JMJD1C: variants seen among roughly 807,000 people sequenced by gnomAD.
JMJD1C encodes the protein jumonji domain-containing protein 1C.
JMJD1C carries 31 observed loss-of-function variants against 245.3 expected under a neutral mutation model. The observed-to-expected ratio is 0.13, with a 90% CI of 0.09 to 0.17. The LOEUF is 0.17. Among genes scored for constraint, JMJD1C ranks in the 10% least tolerant of loss-of-function variants. JMJD1C has a pLI of 1.00. For synonymous variants in JMJD1C, 1,057 were observed against 1,017.4 expected, an observed-to-expected ratio of 1.04 and a Z score of -0.74; for missense variants, 2,691 against 3,000.2, an observed-to-expected ratio of 0.90 and a Z score of 2.41.
At chr10:63,336,981 C>T (rs1219922549) in intron 2 of JMJD1C, among the ~76,000 whole-genome samples, 1 of 152,000 alleles carries the variant, frequency 6.6e-6, no homozygotes, top group African/African-American at 2.4e-5. Context: ...GCTGAGATTA[C>T]AGGTGCCCGC....
At chr10:63,317,528 A>C (rs1014662183) in intron 2 of JMJD1C, among the ~76,000 whole-genome samples, 1 of 151,854 alleles carries the variant, frequency 6.6e-6, no homozygotes, top group African/African-American at 2.4e-5. Context: ...TCATCCTCCT[A>C]AGCCTACTAC....
chr10:63,500,754 TG>T lies in JMJD1C; in HGVS notation n.113+20983del, dbSNP rs1182534177. 9.2e-3 allele frequency among the ~76,000 whole-genome samples: 1,372 copies of T among 149,294 alleles called. 17 individuals are homozygous for T. Among genetic ancestry groups the T allele is most frequent in the African/African-American group, 0.031 (1,275 of 40,578 alleles). Reference sequence around the variant, plus strand: ...ATGGATGGATGGATGGAAGGATGGATGGATGGATGGATGGATGGATGGATGG... The same window carrying T: ...ATGGATGGATGGATGGAAGGATGGATGATGGATGGATGGATGGATGGATGG... On this transcript the variant is annotated intron_variant and non_coding_transcript_variant, in intron 1 of 3. Coordinates refer to the JMJD1C transcript ENST00000633035.
Position 63,465,818 on chromosome 10 carries a change from G to C in JMJD1C, c.-156C>G, listed in dbSNP as rs1953223356. ...GGGACGAACCGGCCGCTCTGCCCCGGACACAGCGACCTCGGGCCCTCCCCG... is the reference window on the plus strand; with the variant it reads ...GGGACGAACCGGCCGCTCTGCCCCGCACACAGCGACCTCGGGCCCTCCCCG... On this transcript the variant is annotated 5_prime_UTR_variant, in exon 1 of 26. Transcript: ENST00000399262. The C allele has an allele frequency of 1.2e-6, 1 of 840,656 alleles. No homozygotes were observed. Among genetic ancestry groups the C allele is most frequent in the Non-Finnish European group, 2.0e-6 (1 of 511,564 alleles). The allele number at this position is 840,656 out of a possible 1,614,324, so 52.1% of individuals were successfully genotyped here. A position where few individuals can be genotyped will look rare whatever the true frequency, so the allele number is the denominator to read the frequency against.
rs764614175 is a variant in JMJD1C, at chr10:63,465,498, C to A, written c.165G>T (p.Leu55=). The change falls in exon 1 of 26, where the codon CTG becomes CTT. Residue 55 remains leucine, a synonymous_variant. Transcript: ENST00000399262. Reference sequence around the variant, plus strand: ...AGGGGGGCGCTGACTCTCTTACCGCCAGGTCCGGATTGCGGCTGTCCCTGT... The same window carrying A: ...AGGGGGGCGCTGACTCTCTTACCGCAAGGTCCGGATTGCGGCTGTCCCTGT... ...VSHRDSRNPD[L]AVYVEFDDLE... is the part of the protein sequence containing the mutation. 1.9e-6 allele frequency: 3 copies of A among 1,602,052 alleles called. No homozygotes were observed. The highest frequency in any genetic ancestry group is 1.7e-6 in the Non-Finnish European group (2 of 1,176,738).
chr10:63,207,833 T>C lies in JMJD1C; in HGVS notation c.3836A>G (p.Asn1279Ser), dbSNP rs780696924. ...EQSLTEMWRP[N>S]NNLSKEKTEW... ...AGTTTTCTCTTTGCTGAGGTTATTA[T>C]TAGGTCTCCACATCTCCGTCAAACT... The change falls in exon 10 of 26, where the codon AAT becomes AGT. Residue 1279 changes from asparagine (N) to serine (S), a missense_variant. Coordinates refer to ENST00000399262, the MANE Select transcript of JMJD1C (RefSeq NM_032776.3). 1 of 1,614,068 alleles carries C rather than the reference T, an allele frequency of 6.2e-7. No individual in the cohort carries two copies. The highest frequency in any genetic ancestry group is 2.2e-5 in the East Asian group (1 of 44,898).
Position 63,192,994 on chromosome 10 carries a change from G to A in JMJD1C, c.6020C>T (p.Ser2007Leu). 6.2e-7 allele frequency: 1 copy of A among 1,614,024 alleles called. No individual in the cohort carries two copies. The highest frequency in any genetic ancestry group is 1.1e-5 in the South Asian group (1 of 91,082). Residue 2007 changes from serine (S) to leucine (L), a missense_variant, in exon 16 of 26, where the codon TCA becomes TTA. This residue lies in a region of JMJD1C where 275 missense variants were observed against 285.5 expected (regional missense o/e 0.96). Transcript: ENST00000399262. ...DNKLTPPESQ[S>L]PLHWLADLAE... ...AAGATCTGCTAACCAGTGCAGTGGTGACTGGGATTCTGGAGGAGTTAACTT... is the reference window on the plus strand; with the variant it reads ...AAGATCTGCTAACCAGTGCAGTGGTAACTGGGATTCTGGAGGAGTTAACTT...
intron 2 of JMJD1C, among the ~76,000 whole-genome samples, chr10:63,316,560 G>A (rs566047696): frequency 1.2e-3 from 181 of 152,230 alleles, no homozygotes; most frequent in African/African-American, 4.1e-3. Flanking sequence ...CGATTCTCCT[G>A]CCTCAGCCTC....
intron 2 of JMJD1C, among the ~76,000 whole-genome samples, chr10:63,293,408 G>C (rs539862863): frequency 1.9e-4 from 29 of 152,244 alleles, no homozygotes; most frequent in Non-Finnish European, 3.8e-4. Context: ...ATATTCTGAT[G>C]ATCAGACCTC....
intron 1 of JMJD1C, among the ~76,000 whole-genome samples, chr10:63,490,427 T>TTTTTTTTTTTTTTTA (rs1954134689): frequency 6.6e-6 from 1 of 151,274 alleles, no homozygotes; most frequent in African/African-American, 2.4e-5. Context: ...ATTTTATTTT[T>TTTTTTTTTTTTTTTA]TTTTTTTGAG....
At chr10:63,189,557 G>T in intron 17 of JMJD1C, 111 bp from the exon 18 acceptor site, 1 of 847,294 alleles carries the variant, frequency 1.2e-6, no homozygotes, top group Non-Finnish European at 1.8e-6. Flanking sequence ...TCCACAATAT[G>T]CACTTCTCTT....
chr10:63,200,694 A>T lies in JMJD1C; in HGVS notation c.5075-17T>A, dbSNP rs766997659. ...GAATGCCAGCTGTAAAATCAGTAGG[A>T]AAGTTTTAGCAAGATTATGCTTTGT... On this transcript the variant is annotated splice_polypyrimidine_tract_variant and intron_variant, in intron 10 of 25. Transcript: ENST00000399262. 60 of 1,609,780 alleles carry T rather than the reference A, an allele frequency of 3.7e-5. No homozygotes were observed. Among genetic ancestry groups the T allele is most frequent in the Non-Finnish European group, 4.8e-5 (57 of 1,176,540 alleles).
intron 1 of JMJD1C, among the ~76,000 whole-genome samples, chr10:63,404,634 G>C (rs1053544666): frequency 6.6e-6 from 1 of 152,054 alleles, no homozygotes; most frequent in Non-Finnish European, 1.5e-5. Context: ...ATTTATGATT[G>C]GAATATAGTA....
At chr10:63,353,608 C>T (rs993028185) in intron 2 of JMJD1C, among the ~76,000 whole-genome samples, 2 of 151,880 alleles carry the variant, frequency 1.3e-5, no homozygotes, top group African/African-American at 2.4e-5. Flanking sequence ...CTCTTCCTCC[C>T]AAGTTCAAGT....
At chr10:63,201,651 C>T (rs1336174048) in intron 10 of JMJD1C, among the ~76,000 whole-genome samples, 2 of 152,078 alleles carry the variant, frequency 1.3e-5, no homozygotes, top group African/African-American at 2.4e-5. Context: ...GTAAGCTGGC[C>T]GGGCACGGTG....
intron 1 of JMJD1C, among the ~76,000 whole-genome samples, chr10:63,421,589 T>TCCCCG (rs1950130057): frequency 6.6e-6 from 1 of 152,196 alleles, no homozygotes; most frequent in Admixed American, 6.5e-5. Context: ...TTTGAACTGC[T>TCCCCG]GTGCTCCTTC....
intron 2 of JMJD1C, among the ~76,000 whole-genome samples, chr10:63,290,367 G>A (rs988359271): frequency 2.0e-5 from 3 of 152,068 alleles, no homozygotes; most frequent in South Asian, 2.1e-4. Context: ...TCAGGAGTTC[G>A]AATCCAGCCT....
chr10:63,366,619 T>A (rs1379335519), intron 2 of JMJD1C, among the ~76,000 whole-genome samples: 2 of 152,326 alleles, frequency 1.3e-5, no homozygotes, highest in African/African-American at 4.8e-5. Context: ...AACCTTTGTT[T>A]CCTGGATGGT....
intron 1 of JMJD1C, among the ~76,000 whole-genome samples, chr10:63,381,977 T>C (rs538679539): frequency 1.1e-4 from 16 of 152,256 alleles, no homozygotes; most frequent in Admixed American, 1.3e-4. Context: ...TTTGGGAAGC[T>C]AAGGCGGGTG....
intron 3 of JMJD1C, among the ~76,000 whole-genome samples, chr10:63,257,489 A>G (rs921953513): frequency 2.0e-5 from 3 of 152,222 alleles, no homozygotes; most frequent in Admixed American, 6.5e-5. Flanking sequence ...AAGTTCACAG[A>G]GCTAGTGTAC....
Sources: gnomAD v4.1 joint callset for allele counts (sites outside exome capture counted in the v4.1 genomes callset) on GRCh38, gnomAD v4.1.1 for gene constraint, gnomAD v4.1.1 regional missense constraint, MANE v1.5 for transcripts, NCBI Gene and HGNC (gene_info 2026-07-23, HGNC 2026-07-21) for gene names.